The following XYLT1 variants were observed in gnomAD, a reference collection of about 807,000 sequenced individuals.
The protein encoded by XYLT1 is beta-D-xylosyltransferase 1.
A neutral mutation model predicts 91.3 loss-of-function variants in XYLT1; 36 were observed. That is an observed-to-expected ratio of 0.39 (90% CI 0.30 to 0.52). The LOEUF is 0.52. Among genes scored for constraint, XYLT1 ranks in the 20% least tolerant of loss-of-function variants. The probability of loss-of-function intolerance (pLI) is 0.68; values close to 1 mark genes in which losing one functional copy is unlikely to be tolerated. For synonymous variants in XYLT1, 588 were observed against 532.0 expected (o/e 1.11, Z -1.45); for missense variants, 1,242 against 1,284.5 (o/e 0.97, Z 0.51).
chr16:17,159,661 C>T (rs577697186), intron 5 of XYLT1, among the ~76,000 whole-genome samples: 4 of 152,208 alleles, frequency 2.6e-5, no homozygotes, highest in East Asian at 3.8e-4. Flanking sequence ...ACCAAGTCCT[C>T]GATAACCACG....
chr16:17,209,092 C>T (rs886085833), intron 3 of XYLT1, among the ~76,000 whole-genome samples: 1 of 152,144 alleles, frequency 6.6e-6, no homozygotes, highest in African/African-American at 2.4e-5. Context: ...CAACTATTAT[C>T]ACCATCCATC....
At chr16:17,379,924 C>T (rs955749948) in intron 1 of XYLT1, among the ~76,000 whole-genome samples, 2 of 152,152 alleles carry the variant, frequency 1.3e-5, no homozygotes, top group African/African-American at 2.4e-5. Flanking sequence ...GACCTGCTGG[C>T]CTCTGATAGT....
chr16:17,356,632 TG>T (rs1350642364), intron 2 of XYLT1, among the ~76,000 whole-genome samples: 4 of 151,972 alleles, frequency 2.6e-5, no homozygotes, highest in Non-Finnish European at 5.9e-5. Context: ...GGGGAGCAGG[TG>T]GTCTTTTCCA....
At chr16:17,197,063 G>C (rs1224395738) in intron 5 of XYLT1, among the ~76,000 whole-genome samples, 1 of 138,488 alleles carries the variant, frequency 7.2e-6, no homozygotes, top group East Asian at 2.0e-4. Context: ...ATCATTCAAA[G>C]TATCATGCCA....
intron 1 of XYLT1, among the ~76,000 whole-genome samples, chr16:17,376,255 G>C (rs146137189): frequency 2.2e-4 from 34 of 152,310 alleles, no homozygotes; most frequent in African/African-American, 8.2e-4. Flanking sequence ...GGTAGAGACA[G>C]GGATGGCGCT....
At chr16:17,358,561 C>T (rs969497833) in intron 1 of XYLT1, among the ~76,000 whole-genome samples, 1 of 152,102 alleles carries the variant, frequency 6.6e-6, no homozygotes, top group Non-Finnish European at 1.5e-5. Context: ...GTCTGCAGGC[C>T]GCCCCAACAC....
chr16:17,402,259 G>T (rs1244208277), intron 1 of XYLT1, among the ~76,000 whole-genome samples: 1 of 152,008 alleles, frequency 6.6e-6, no homozygotes, highest in Non-Finnish European at 1.5e-5. Flanking sequence ...GGTCAAGGCT[G>T]CAGTGAGCCG....
At chr16:17,210,952 G>T (rs566755290) in intron 3 of XYLT1, among the ~76,000 whole-genome samples, 2 of 152,306 alleles carry the variant, frequency 1.3e-5, no homozygotes, top group East Asian at 3.9e-4. Flanking sequence ...GGTAACAGGA[G>T]TGCCCGGCTA....
At chr16:17,226,104 G>T (rs2033061433) in intron 3 of XYLT1, among the ~76,000 whole-genome samples, 1 of 152,196 alleles carries the variant, frequency 6.6e-6, no homozygotes, top group Non-Finnish European at 1.5e-5. Flanking sequence ...ATCCTTGGAG[G>T]CTGTTATGGT....
At chr16:17,451,766 G>A (rs562751592) in intron 1 of XYLT1, among the ~76,000 whole-genome samples, 4 of 152,062 alleles carry the variant, frequency 2.6e-5, no homozygotes, top group African/African-American at 9.7e-5. Flanking sequence ...TCACCCCAGG[G>A]ACCTGCTCCC....
At chr16:17,128,630 T>G (rs534148077) in intron 9 of XYLT1, among the ~76,000 whole-genome samples, 2 of 152,350 alleles carry the variant, frequency 1.3e-5, no homozygotes, top group African/African-American at 4.8e-5. Flanking sequence ...TAACCATGAT[T>G]GCCAATCTGA....
At chr16:17,161,675 G>GCT (rs111901583) in intron 5 of XYLT1, among the ~76,000 whole-genome samples, 31,114 of 94,272 alleles carry the variant, frequency 0.33, 3,568 homozygotes, top group South Asian at 0.54. Flanking sequence ...AGTTTCTCGC[G>GCT]CGCTCTCTCT....
intron 2 of XYLT1, among the ~76,000 whole-genome samples, chr16:17,293,523 TGA>T (rs1442414832): frequency 7.2e-6 from 1 of 139,256 alleles, no homozygotes; most frequent in East Asian, 2.1e-4. Context: ...TTTTTGAGAC[TGA>T]GTCTCCTTCT....
chr16:17,134,559 C>T lies in XYLT1; in HGVS notation c.1941G>A (p.Val647=), dbSNP rs2030631777. 2 of 1,614,164 alleles carry T rather than the reference C, an allele frequency of 1.2e-6. No individual in the cohort carries two copies. The highest frequency in any genetic ancestry group is 1.7e-6 in the Non-Finnish European group (2 of 1,180,032). ...CAAAGGAGTGGTACAAGGTGAGTGT[C>T]ACGTCGCTCAGGCTGTGGATGCCGT... ...EPDGIHSLSD[V]TLTLYHSFAR... The change falls in exon 9 of 12, where the codon GTG becomes GTA. Residue 647 remains valine, a synonymous_variant. Transcript: ENST00000261381.
intron 1 of XYLT1, among the ~76,000 whole-genome samples, chr16:17,447,878 C>T (rs957270838): frequency 6.6e-6 from 1 of 152,178 alleles, no homozygotes; most frequent in Non-Finnish European, 1.5e-5. Context: ...TTAAAAAACA[C>T]CCAGTACCTT....
intron 11 of XYLT1, among the ~76,000 whole-genome samples, chr16:17,109,809 G>A (rs1354138146): frequency 6.6e-6 from 1 of 152,168 alleles, no homozygotes; most frequent in Non-Finnish European, 1.5e-5. Flanking sequence ...CCTGTACCCA[G>A]GTCTGTTTGG....
chr16:17,282,111 T>G (rs1384043522), intron 2 of XYLT1, among the ~76,000 whole-genome samples: 1 of 152,202 alleles, frequency 6.6e-6, no homozygotes, highest in Non-Finnish European at 1.5e-5. Context: ...GCACTGACTG[T>G]ATGCTAGGAA....
chr16:17,219,766 C>G (rs566238183), intron 3 of XYLT1, among the ~76,000 whole-genome samples: 34 of 152,236 alleles, frequency 2.2e-4, no homozygotes, highest in Admixed American at 2.2e-3. Flanking sequence ...CAGTGGCTCA[C>G]GCCTGTAATT....
At chr16:17,353,448 C>T (rs577108285) in intron 2 of XYLT1, among the ~76,000 whole-genome samples, 4 of 152,174 alleles carry the variant, frequency 2.6e-5, no homozygotes, top group South Asian at 4.2e-4. Flanking sequence ...TCTTGGGGAT[C>T]GATGAGAAAG....
Sources: allele counts gnomAD v4.1 joint callset (sites outside exome capture counted in the v4.1 genomes callset), GRCh38; gene constraint gnomAD v4.1.1; transcripts MANE v1.5; gene names NCBI Gene and HGNC (gene_info 2026-07-23, HGNC 2026-07-21).